SI: variants seen among roughly 807,000 people sequenced by gnomAD.
SI encodes sucrase-isomaltase, intestinal.
SI carries 235 observed loss-of-function variants against 253.3 expected under a neutral mutation model. That is an observed-to-expected ratio of 0.93 (90% CI 0.83 to 1.03). The LOEUF is 1.03. Ranked by LOEUF, SI falls within the 50% of genes least tolerant of loss-of-function variation. The pLI, the probability that SI is intolerant of heterozygous loss-of-function variation, is 0.00. For synonymous variants in SI, 819 were observed against 712.0 expected (o/e 1.15, Z -2.39); for missense variants, 2,442 against 2,211.1 (o/e 1.10, Z -2.09).
rs372581284 is a variant in SI at position 165,020,530 on chromosome 3, T to A, written c.3254+699A>T. 4.3e-3 allele frequency among the ~76,000 whole-genome samples: 659 copies of A among 151,774 alleles called. 5 individuals are homozygous for A. Among genetic ancestry groups the A allele is most frequent in the African/African-American group, 0.015 (630 of 41,512 alleles). On this transcript the variant is annotated intron_variant, in intron 27 of 47. Transcript: ENST00000264382. ...GATATTTTTATAAAATGACTTAGCT[T>A]CCCATGCTTTTGAACAAAAATATTG... is the stretch of plus-strand genomic sequence containing the variant.
In SI at chr3:165,021,411, T is replaced by C. The variant is rs754812037; in HGVS notation, c.3100-28A>G. 6 of 1,568,826 alleles carry C rather than the reference T, an allele frequency of 3.8e-6. No individual in the cohort carries two copies. In the South Asian group the frequency reaches 5.5e-5, roughly 14 times the overall value. On this transcript the variant is annotated intron_variant, in intron 26 of 47. Transcript: ENST00000264382. ...ATTGCAGATAAGTAGTAAAAAAGTTTATTCTGATTGCTGACATAGCATGTA... is the reference window on the plus strand; with the variant it reads ...ATTGCAGATAAGTAGTAAAAAAGTTCATTCTGATTGCTGACATAGCATGTA...
intron 15 of SI, among the ~76,000 whole-genome samples, chr3:165,047,664 A>G (rs1403920376): frequency 6.6e-6 from 1 of 151,958 alleles, no homozygotes; most frequent in Non-Finnish European, 1.5e-5. Flanking sequence ...TATCCACTCA[A>G]CATTTGGTTT....
At chr3:165,060,144 T>G in intron 9 of SI, 117 bp from the exon 10 acceptor site, 2 of 880,098 alleles carry the variant, frequency 2.3e-6, no homozygotes, top group Non-Finnish European at 3.5e-6. Context: ...TAAGTTTATA[T>G]AATTTAAACA....
At chr3:165,027,173 G>T (rs1033335948) in intron 25 of SI, among the ~76,000 whole-genome samples, 5 of 151,190 alleles carry the variant, frequency 3.3e-5, no homozygotes, top group African/African-American at 1.2e-4. Flanking sequence ...ATCATTCAAG[G>T]CTACTATGAA....
chr3:165,075,173 A>G (rs1047377306), intron 2 of SI, among the ~76,000 whole-genome samples: 1 of 151,974 alleles, frequency 6.6e-6, no homozygotes, highest in Non-Finnish European at 1.5e-5. Context: ...CATATAAATA[A>G]CATTCCAGCA....
chr3:164,982,099 A>ATTT, intron 47 of SI, 144 bp downstream of exon 47: 3 of 626,752 alleles, frequency 4.8e-6, no homozygotes, highest in Non-Finnish European at 8.4e-6. Flanking sequence ...AAGGAAATAA[A>ATTT]TATGGAGGCC....
intron 12 of SI, among the ~76,000 whole-genome samples, chr3:165,057,711 A>C (rs1713764476): frequency 6.6e-6 from 1 of 151,966 alleles, no homozygotes. Context: ...GAAAAAAAAA[A>C]AAAAAACTTT....
chr3:164,995,014 T>G (rs1008273836), intron 40 of SI, among the ~76,000 whole-genome samples: 3 of 151,728 alleles, frequency 2.0e-5, no homozygotes, highest in Non-Finnish European at 4.4e-5. Flanking sequence ...ACAAAAAAAA[T>G]TCTTGCACAT....
chr3:165,047,561 G>A (rs555102779), intron 15 of SI, among the ~76,000 whole-genome samples: 1 of 151,592 alleles, frequency 6.6e-6, no homozygotes, highest in South Asian at 2.1e-4. Context: ...AATATATTCT[G>A]GTAAAATACA....
At chr3:164,981,481 G>A (rs1717190425) in intron 47 of SI, among the ~76,000 whole-genome samples, 1 of 152,076 alleles carries the variant, frequency 6.6e-6, no homozygotes, top group Non-Finnish European at 1.5e-5. Context: ...TTCATCTAAA[G>A]TGACTGATTA....
the SI span, among the ~76,000 whole-genome samples, chr3:165,086,038 G>A: frequency 6.6e-6 from 1 of 152,182 alleles, no homozygotes; most frequent in South Asian, 2.1e-4. Flanking sequence ...TGGATCACTT[G>A]AGGTCAGGAG....
intron 25 of SI, among the ~76,000 whole-genome samples, chr3:165,027,178 T>G (rs931322308): frequency 1.3e-5 from 2 of 151,464 alleles, no homozygotes; most frequent in Non-Finnish European, 3.0e-5. Context: ...TCAAGGCTAC[T>G]ATGAACACCG....
At chr3:165,040,893 A>C (rs368376527) in intron 18 of SI, 47 bp downstream of exon 18, 25 of 1,476,062 alleles carry the variant, frequency 1.7e-5, no homozygotes, top group Non-Finnish European at 2.2e-5. Flanking sequence ...TGTATGTTTG[A>C]ACATACTTTA....
chr3:165,083,853 T>C, the SI span, among the ~76,000 whole-genome samples: 253 of 152,096 alleles, frequency 1.7e-3, no homozygotes, highest in Non-Finnish European at 2.9e-3. Context: ...ACAAAAACCT[T>C]AAAAGGATTA....
chr3:165,019,793 C>A, intron 27 of SI, 23 bp from the exon 28 acceptor site: 1 of 1,606,374 alleles, frequency 6.2e-7, no homozygotes, highest in South Asian at 1.1e-5. Context: ...GAAAACAAAG[C>A]TATGTCTGTC....
At chr3:165,047,197 T>A (rs1161339789) in intron 15 of SI, among the ~76,000 whole-genome samples, 185 bp from the exon 16 acceptor site, 2 of 152,002 alleles carry the variant, frequency 1.3e-5, no homozygotes, top group Non-Finnish European at 2.9e-5. Context: ...TGGGAGATGA[T>A]TGAATTATGG....
Position 165,021,433 on chromosome 3 carries a change from T to C in SI, c.3100-50A>G, listed in dbSNP as rs1455031827. On this transcript the variant is annotated intron_variant, in intron 26 of 47. Coordinates refer to ENST00000264382, the MANE Select transcript of SI (RefSeq NM_001041.4). ...GTTTATTCTGATTGCTGACATAGCA[T>C]GTACATATCATGAACTAAGTTAAAT... 3 of 1,393,564 alleles carry C rather than the reference T, an allele frequency of 2.2e-6. No homozygotes were observed. In the African/African-American group the frequency reaches 4.3e-5, roughly 20 times the overall value. The allele number at this position is 1,393,564 out of a possible 1,614,324, so 86.3% of individuals were successfully genotyped here. A position where few individuals can be genotyped will look rare whatever the true frequency, so the allele number is the denominator to read the frequency against.
rs528833585 is a variant in SI, at chr3:164,981,680, G to A, written c.5415+563C>T. Reference sequence around the variant, plus strand: ...TTCACAGAATTTAGAACTGGAAGGAGCTTAAGAGATTGATCATTTACTTGC... The same window carrying A: ...TTCACAGAATTTAGAACTGGAAGGAACTTAAGAGATTGATCATTTACTTGC... On this transcript the variant is annotated intron_variant, in intron 47 of 47. Coordinates refer to ENST00000264382, the MANE Select transcript of SI (RefSeq NM_001041.4). 2.0e-5 allele frequency among the ~76,000 whole-genome samples: 3 copies of A among 152,198 alleles called. No individual in the cohort carries two copies. In the East Asian group the frequency reaches 5.8e-4, roughly 29 times the overall value.
chr3:164,997,932 C>G (rs1471649250), intron 38 of SI, among the ~76,000 whole-genome samples: 1 of 151,566 alleles, frequency 6.6e-6, no homozygotes, highest in African/African-American at 2.4e-5. Context: ...GAATAGCGAA[C>G]TGGCGAATTC....
Sources: gnomAD v4.1 joint callset for allele counts (sites outside exome capture counted in the v4.1 genomes callset) on GRCh38, gnomAD v4.1.1 for gene constraint, MANE v1.5 for transcripts, NCBI Gene and HGNC (gene_info 2026-07-23, HGNC 2026-07-21) for gene names.